The following ST18 variants were observed in gnomAD, a reference collection of about 807,000 sequenced individuals.
ST18 encodes ST18 C2H2C-type zinc finger transcription factor, also known as suppression of tumorigenicity 18 protein.
In ST18, 50 loss-of-function variants were observed where a neutral mutation model predicts 110.0. The observed-to-expected ratio is 0.45, with a 90% CI of 0.36 to 0.58. ST18 has a LOEUF of 0.58. Among genes scored for constraint, ST18 ranks in the 20% least tolerant of loss-of-function variants. ST18 has a pLI of 0.00. For missense variants in ST18, 1,306 were observed against 1,280.1 expected (o/e 1.02, Z -0.31); for synonymous variants, 461 against 452.4 (o/e 1.02, Z -0.24).
intron 2 of ST18, among the ~76,000 whole-genome samples, chr8:52,368,452 G>T (rs559410971): frequency 6.6e-6 from 1 of 152,288 alleles, no homozygotes; most frequent in South Asian, 2.1e-4. Context: ...ACAACACAAT[G>T]ATTAAAAGAA....
chr8:52,366,016 A>G (rs1311460520), intron 2 of ST18, among the ~76,000 whole-genome samples: 1 of 152,172 alleles, frequency 6.6e-6, no homozygotes, highest in Non-Finnish European at 1.5e-5. Flanking sequence ...AGACAACACA[A>G]TAGCCTTTGA....
At position 52,149,806 on chromosome 8, in the gene ST18, G is replaced by A. The variant is rs201771814; in HGVS notation, c.1978C>T (p.Leu660Phe). The A allele has an allele frequency of 9.6e-5, 155 of 1,614,184 alleles. 2 individuals carry two copies. The East Asian group carries it at 2.5e-3, about 26-fold the overall frequency. Residue 660 changes from leucine to phenylalanine, a missense_variant, in exon 16 of 26, where the codon CTT becomes TTT. Physicochemically the swap from Leu to Phe is conservative, Grantham distance 22. Coordinates refer to ENST00000689386, the MANE Select transcript of ST18 (RefSeq NM_001352837.2). ...ILVNAAFYQA[L>F]CDQEGWDTPI... ...GTGTCCCAGCCCTCTTGGTCACAAA[G>A]AGCCTGATAGAATGCTGCATTGACC... is the stretch of plus-strand genomic sequence containing the variant.
In ST18 at chr8:52,139,337, TA is replaced by T. The variant is rs1373745775; in HGVS notation, c.2169-1855del. ...CAGCATTGCATTATATATATATATATATATATACACACAATTTTTTATTTTT... is the reference window on the plus strand; with the variant it reads ...CAGCATTGCATTATATATATATATATTATATACACACAATTTTTTATTTTT... On this transcript the variant is annotated intron_variant, in intron 17 of 25. Transcript: ENST00000689386. Among the ~76,000 whole-genome samples the T allele has an allele frequency of 2.5e-3, 384 of 151,818 alleles. 2 individuals are homozygous for T. The highest frequency in any genetic ancestry group is 8.6e-3 in the African/African-American group (356 of 41,486).
At chr8:52,403,984 C>A (rs1377189274) in intron 2 of ST18, 1 of 152,174 alleles carries the variant, frequency 6.6e-6, no homozygotes, top group African/African-American at 2.4e-5. Flanking sequence ...TGATGTAAAT[C>A]TTCTAGTGGC....
rs905636843 is a variant in ST18 at position 52,229,490 on chromosome 8, G to A, written c.-419+542C>T. On this transcript the variant is annotated intron_variant, in intron 3 of 25. Transcript: ENST00000689386. The stretch of plus-strand genomic sequence containing the variant: ...AGCTTCCACAGCCCACTCCTTTTTC[G>A]GTGAATGGCCTGCTTCCTCCATTTT... Among the ~76,000 whole-genome samples, 55 of 152,074 alleles carry A rather than the reference G, an allele frequency of 3.6e-4. 1 individual carries two copies. The highest frequency in any genetic ancestry group is 4.3e-4 in the African/African-American group (18 of 41,418).
chr8:52,367,049 A>G (rs1050945217), intron 2 of ST18, among the ~76,000 whole-genome samples: 5 of 152,158 alleles, frequency 3.3e-5, no homozygotes, highest in Non-Finnish European at 5.9e-5. Context: ...CCTGACGAAC[A>G]TGGTGAAGCC....
intron 5 of ST18, among the ~76,000 whole-genome samples, chr8:52,218,316 AC>A (rs1255428711): frequency 6.6e-6 from 1 of 151,810 alleles, no homozygotes; most frequent in Non-Finnish European, 1.5e-5. Flanking sequence ...CTTTCTGAAA[AC>A]CCTTATAAAA....
intron 2 of ST18, among the ~76,000 whole-genome samples, chr8:52,402,476 T>A (rs1843087656): frequency 6.6e-6 from 1 of 152,114 alleles, no homozygotes; most frequent in Non-Finnish European, 1.5e-5. Context: ...GTGACTCTAA[T>A]CCTGGAGATC....
intron 2 of ST18, among the ~76,000 whole-genome samples, chr8:52,398,391 A>G (rs995215864): frequency 2.0e-5 from 3 of 152,104 alleles, no homozygotes; most frequent in Non-Finnish European, 2.9e-5. Flanking sequence ...CTCTTTTGTC[A>G]TTGGATACTT....
At chr8:52,254,629 A>G (rs1354059456) in intron 2 of ST18, among the ~76,000 whole-genome samples, 1 of 152,192 alleles carries the variant, frequency 6.6e-6, no homozygotes, top group Non-Finnish European at 1.5e-5. Context: ...GATGATAACA[A>G]TGGCTCAACA....
At chr8:52,123,963 G>A (rs72641848) in intron 23 of ST18, among the ~76,000 whole-genome samples, 318 of 152,242 alleles carry the variant, frequency 2.1e-3, no homozygotes, top group Non-Finnish European at 3.7e-3. Flanking sequence ...TTCATGCACT[G>A]GGTTCCAGAA....
chr8:52,264,393 T>A (rs888617544), intron 2 of ST18, among the ~76,000 whole-genome samples: 5 of 152,188 alleles, frequency 3.3e-5, no homozygotes, highest in Admixed American at 1.3e-4. Context: ...TTCTCTAAGA[T>A]TTTTTTGGAA....
At chr8:52,349,538 T>C (rs1819302479) in intron 2 of ST18, among the ~76,000 whole-genome samples, 2 of 152,222 alleles carry the variant, frequency 1.3e-5, no homozygotes, top group Admixed American at 1.3e-4. Flanking sequence ...GCTTTTTAAA[T>C]TGAAACAAAA....
intron 2 of ST18, among the ~76,000 whole-genome samples, chr8:52,388,563 A>C (rs1390450652): frequency 6.6e-6 from 1 of 152,082 alleles, no homozygotes; most frequent in Non-Finnish European, 1.5e-5. Context: ...TATTGGTCCC[A>C]GTCTCCCCAT....
At chr8:52,344,643 C>T (rs555125831) in intron 2 of ST18, among the ~76,000 whole-genome samples, 16 of 152,264 alleles carry the variant, frequency 1.1e-4, no homozygotes, top group South Asian at 1.0e-3. Context: ...TCAGGTGATC[C>T]GCCTGCCTCA....
chr8:52,319,457 C>A (rs1476238799), intron 2 of ST18, among the ~76,000 whole-genome samples: 2 of 152,038 alleles, frequency 1.3e-5, no homozygotes, highest in Non-Finnish European at 2.9e-5. Context: ...ATATTCCAGA[C>A]CTTCATTTTC....
intron 16 of ST18, among the ~76,000 whole-genome samples, chr8:52,144,924 A>C (rs1280105431): frequency 6.6e-6 from 1 of 152,120 alleles, no homozygotes; most frequent in Non-Finnish European, 1.5e-5. Context: ...ATTTAGTCCT[A>C]TCTGGATTTG....
At chr8:52,331,818 T>C (rs935504506) in intron 2 of ST18, among the ~76,000 whole-genome samples, 1 of 152,172 alleles carries the variant, frequency 6.6e-6, no homozygotes, top group Non-Finnish European at 1.5e-5. Context: ...TCATTTCAAT[T>C]ACCTATAATA....
At chr8:52,338,802 A>G (rs565423373) in intron 2 of ST18, among the ~76,000 whole-genome samples, 20 of 151,968 alleles carry the variant, frequency 1.3e-4, no homozygotes, top group African/African-American at 3.9e-4. Context: ...GCAGTGCCCA[A>G]TCACAGCCCA....
Sources: allele counts gnomAD v4.1 joint callset (sites outside exome capture counted in the v4.1 genomes callset), GRCh38; gene constraint gnomAD v4.1.1; transcripts MANE v1.5; gene names NCBI Gene and HGNC (gene_info 2026-07-23, HGNC 2026-07-21).